Variants in ADAM23 observed in about 807,000 individuals in gnomAD.
ADAM23 encodes the protein ADAM metallopeptidase domain 23, also known as disintegrin and metalloproteinase domain-containing protein 23.
Under a neutral mutation model 120.1 loss-of-function variants are expected in ADAM23, and 33 were observed. The observed-to-expected ratio is 0.27, with a 90% CI of 0.21 to 0.37. The LOEUF is 0.37. Ranked by LOEUF, ADAM23 falls within the 10% of genes least tolerant of loss-of-function variation. ADAM23 has a pLI of 1.00. For synonymous variants in ADAM23, 367 were observed against 375.2 expected (o/e 0.98, Z 0.25); for missense variants, 862 against 1,058.2 (o/e 0.81, Z 2.57).
intron 3 of ADAM23, among the ~76,000 whole-genome samples, chr2:206,525,490 C>T (rs555232704): frequency 2.0e-5 from 3 of 152,296 alleles, no homozygotes; most frequent in Admixed American, 6.5e-5. Flanking sequence ...CAGTTAGCCA[C>T]GTCGTCTTGT....
rs977066958 is a variant in ADAM23 at position 206,578,052 on chromosome 2, A to G, written c.1737+4857A>G. Among the ~76,000 whole-genome samples the G allele has an allele frequency of 2.0e-5, 3 of 152,166 alleles. No individual in the cohort carries two copies. The South Asian group carries it at 6.2e-4, about 31-fold the overall frequency. On this transcript the variant is annotated intron_variant, in intron 18 of 25. Transcript: ENST00000264377. Reference sequence around the variant, plus strand: ...TTTTTCATGTGTTTTTTGGCTGCACAAGGTTTTTTTCTAACTGAAACATCA... The same window carrying G: ...TTTTTCATGTGTTTTTTGGCTGCACGAGGTTTTTTTCTAACTGAAACATCA...
At chr2:206,464,949 A>T (rs536574545) in intron 2 of ADAM23, among the ~76,000 whole-genome samples, 10 of 152,222 alleles carry the variant, frequency 6.6e-5, no homozygotes, top group Non-Finnish European at 1.2e-4. Flanking sequence ...GGCAACTGTT[A>T]TCTTTCTGTC....
chr2:206,449,168 C>T (rs1056854472), intron 2 of ADAM23, among the ~76,000 whole-genome samples: 9 of 152,128 alleles, frequency 5.9e-5, no homozygotes, highest in Admixed American at 2.6e-4. Context: ...CGTCAGATGT[C>T]AGAAGTGTTG....
Position 206,542,040 on chromosome 2 carries a change from C to A in ADAM23, c.574-12C>A, listed in dbSNP as rs1338261812. On this transcript the variant is annotated splice_polypyrimidine_tract_variant and intron_variant, in intron 4 of 25. Transcript: ENST00000264377. ...CATAAAATACAACCAATCAATGAAA[C>A]CTGCTTTCCAGGGTGGAGAGCACTG... 2.5e-6 allele frequency: 4 copies of A among 1,613,560 alleles called. No individual in the cohort carries two copies. Among genetic ancestry groups the A allele is most frequent in the South Asian group, 1.1e-5 (1 of 91,044 alleles).
At chr2:206,462,790 T>A (rs1695452732) in intron 2 of ADAM23, among the ~76,000 whole-genome samples, 1 of 152,116 alleles carries the variant, frequency 6.6e-6, no homozygotes, top group South Asian at 2.1e-4. Context: ...TATTTTTTTT[T>A]AAAGTTAAGA....
chr2:206,551,133 A>T (rs1055847821), intron 9 of ADAM23, among the ~76,000 whole-genome samples: 2 of 152,218 alleles, frequency 1.3e-5, no homozygotes, highest in Non-Finnish European at 2.9e-5. Context: ...AGTAGGCTAT[A>T]TACTAGTACA....
At chr2:206,573,492 A>G (rs1698047134) in intron 18 of ADAM23, among the ~76,000 whole-genome samples, 1 of 152,182 alleles carries the variant, frequency 6.6e-6, no homozygotes. Flanking sequence ...GAAAGCAAAG[A>G]TATCACTATC....
chr2:206,473,503 A>G (rs1695704714), intron 2 of ADAM23, among the ~76,000 whole-genome samples: 2 of 151,718 alleles, frequency 1.3e-5, no homozygotes, highest in South Asian at 4.2e-4. Flanking sequence ...GGTGGCTAAG[A>G]TGGGAGGATT....
At chr2:206,470,204 A>G (rs1246907020) in intron 2 of ADAM23, among the ~76,000 whole-genome samples, 1 of 152,144 alleles carries the variant, frequency 6.6e-6, no homozygotes, top group African/African-American at 2.4e-5. Context: ...ACAAGGTAAT[A>G]TATAATCTGA....
chr2:206,578,746 G>A (rs779674833), intron 18 of ADAM23, among the ~76,000 whole-genome samples: 15 of 151,864 alleles, frequency 9.9e-5, no homozygotes, highest in Non-Finnish European at 2.1e-4. Context: ...TCTTTTCCTC[G>A]GGGTAGATAC....
At chr2:206,571,856 G>C (rs888325882) in intron 17 of ADAM23, 40 bp downstream of exon 17, 1 of 1,547,822 alleles carries the variant, frequency 6.5e-7, no homozygotes, top group Non-Finnish European at 8.9e-7. Flanking sequence ...TTAATTGACA[G>C]ATTAGCCAGA....
Position 206,566,818 on chromosome 2 carries a change from C to T in ADAM23, c.1395-405C>T, listed in dbSNP as rs562883742. On this transcript the variant is annotated intron_variant, in intron 14 of 25. Coordinates refer to ENST00000264377, the MANE Select transcript of ADAM23 (RefSeq NM_003812.4). ...CTCTCCTCCAATGTAAAATCTAGTA[C>T]GTTCATGAGCTCCTTTTATTCAGAA... is the stretch of plus-strand genomic sequence containing the variant. Among the ~76,000 whole-genome samples the T allele has an allele frequency of 6.0e-5, 9 of 149,558 alleles. 1 individual carries two copies. Among genetic ancestry groups the T allele is most frequent in the East Asian group, 2.0e-4 (1 of 5,098 alleles).
chr2:206,615,869 A>G (rs749533899), intron 25 of ADAM23, among the ~76,000 whole-genome samples: 6 of 152,234 alleles, frequency 3.9e-5, no homozygotes, highest in Non-Finnish European at 7.3e-5. Context: ...TTAAAAGTGG[A>G]CTGCATTGCT....
chr2:206,501,634 T>A (rs1219457855), intron 3 of ADAM23, among the ~76,000 whole-genome samples: 1 of 149,620 alleles, frequency 6.7e-6, no homozygotes, highest in African/African-American at 2.6e-5. Flanking sequence ...AAGAAGCTAT[T>A]TATAGTTTCT....
At chr2:206,613,943 A>G (rs969695983) in intron 25 of ADAM23, among the ~76,000 whole-genome samples, 2 of 152,178 alleles carry the variant, frequency 1.3e-5, no homozygotes, top group Non-Finnish European at 2.9e-5. Context: ...AAAGAAATGA[A>G]GGTAATAGTG....
intron 3 of ADAM23, among the ~76,000 whole-genome samples, chr2:206,491,385 G>T (rs1696131599): frequency 6.6e-6 from 1 of 152,082 alleles, no homozygotes; most frequent in Non-Finnish European, 1.5e-5. Flanking sequence ...AAAATCAAAA[G>T]AATTTAATTG....
chr2:206,587,716 G>A (rs532808413), intron 19 of ADAM23, among the ~76,000 whole-genome samples: 1 of 152,118 alleles, frequency 6.6e-6, no homozygotes, highest in Non-Finnish European at 1.5e-5. Context: ...TTCCCCTGAA[G>A]CCATATTATA....
At chr2:206,519,016 A>G (rs1479307264) in intron 3 of ADAM23, among the ~76,000 whole-genome samples, 1 of 152,052 alleles carries the variant, frequency 6.6e-6, no homozygotes, top group Non-Finnish European at 1.5e-5. Context: ...ACTCATATTC[A>G]CTCTTTTAGA....
chr2:206,447,584 G>C (rs904342740), intron 2 of ADAM23, among the ~76,000 whole-genome samples: 2 of 152,186 alleles, frequency 1.3e-5, no homozygotes, highest in African/African-American at 4.8e-5. Context: ...TCTTGAAGTA[G>C]TTGATAAAAA....
Sources: allele counts gnomAD v4.1 joint callset (sites outside exome capture counted in the v4.1 genomes callset), GRCh38; gene constraint gnomAD v4.1.1; transcripts MANE v1.5; gene names NCBI Gene and HGNC (gene_info 2026-07-23, HGNC 2026-07-21).